The following LRRC4C variants were observed in gnomAD, a reference collection of about 807,000 sequenced individuals.
The protein encoded by LRRC4C is leucine rich repeat containing 4C, also known as leucine-rich repeat-containing protein 4C.
A neutral mutation model predicts 33.6 loss-of-function variants in LRRC4C; 5 were observed. The observed-to-expected ratio is 0.15, with a 90% CI of 0.08 to 0.31. The LOEUF (loss-of-function observed/expected upper bound fraction) is 0.31. LRRC4C is among the 10% of genes least tolerant of loss of function. The pLI, the probability that LRRC4C is intolerant of heterozygous loss-of-function variation, is 1.00. For synonymous variants in LRRC4C, 329 were observed against 302.0 expected (o/e 1.09, Z -0.93); for missense variants, 560 against 796.7 (o/e 0.70, Z 3.58).
intron 1 of LRRC4C, among the ~76,000 whole-genome samples, chr11:41,170,728 T>G (rs1447109356): frequency 6.6e-6 from 1 of 152,214 alleles, no homozygotes; most frequent in Admixed American, 6.5e-5. Context: ...CCAAAAGCAA[T>G]GGCAACAAAA....
intron 1 of LRRC4C, among the ~76,000 whole-genome samples, chr11:41,316,225 C>T (rs1040103458): frequency 1.9e-5 from 2 of 103,278 alleles, no homozygotes; most frequent in Non-Finnish European, 3.8e-5. Flanking sequence ...AGAGTTTTTT[C>T]AGCCAATAAA....
chr11:41,256,608 TC>T (rs1351246182), intron 1 of LRRC4C, among the ~76,000 whole-genome samples: 1 of 151,980 alleles, frequency 6.6e-6, no homozygotes, highest in Non-Finnish European at 1.5e-5. Flanking sequence ...TCCACACAGA[TC>T]AACTCATATG....
At chr11:40,424,427 T>G (rs140625320) in intron 3 of LRRC4C, among the ~76,000 whole-genome samples, 1,664 of 152,306 alleles carry the variant, frequency 0.011, 13 homozygotes, top group Middle Eastern at 0.054. Flanking sequence ...CCACCTCTAT[T>G]TTTAGGGCCT....
intron 1 of LRRC4C, among the ~76,000 whole-genome samples, chr11:40,974,800 C>A (rs1227751166): frequency 6.6e-6 from 1 of 152,118 alleles, no homozygotes; most frequent in East Asian, 1.9e-4. Flanking sequence ...AAAAAGAGAG[C>A]AAAGTGTTTC....
intron 2 of LRRC4C, among the ~76,000 whole-genome samples, chr11:40,860,091 A>AAAAAAAATAAAT (rs1554979022): frequency 1.4e-5 from 2 of 144,134 alleles, no homozygotes; most frequent in African/African-American, 2.6e-5. Context: ...GTCCCCCCAA[A>AAAAAAAATAAAT]AAATAAATAA....
intron 3 of LRRC4C, among the ~76,000 whole-genome samples, chr11:40,460,988 A>G (rs1192048749): frequency 6.6e-6 from 1 of 152,192 alleles, no homozygotes; most frequent in Non-Finnish European, 1.5e-5. Context: ...CCTAAATCTC[A>G]GCCAAATATA....
At chr11:40,176,587 A>G (rs1860511579) in intron 5 of LRRC4C, among the ~76,000 whole-genome samples, 1 of 147,486 alleles carries the variant, frequency 6.8e-6, no homozygotes, top group Non-Finnish European at 1.5e-5. Flanking sequence ...TTGCCCAGGC[A>G]TCAGTGCAGT....
chr11:40,902,047 CCT>C (rs1956233323), intron 2 of LRRC4C, among the ~76,000 whole-genome samples: 1 of 138,784 alleles, frequency 7.2e-6, no homozygotes, highest in Non-Finnish European at 1.5e-5. Flanking sequence ...CACACACACA[CCT>C]CTTTTTGTTG....
intron 1 of LRRC4C, among the ~76,000 whole-genome samples, chr11:41,208,914 G>T (rs1026921531): frequency 2.6e-5 from 4 of 152,130 alleles, no homozygotes; most frequent in Admixed American, 2.0e-4. Flanking sequence ...AGGGTGCAGG[G>T]TCACCATGGA....
At chr11:41,366,373 T>C (rs1251124823) in intron 1 of LRRC4C, among the ~76,000 whole-genome samples, 1 of 152,144 alleles carries the variant, frequency 6.6e-6, no homozygotes, top group Non-Finnish European at 1.5e-5. Context: ...ATACTCTATT[T>C]TGGTAAAGTG....
intron 3 of LRRC4C, among the ~76,000 whole-genome samples, chr11:40,564,407 C>T (rs1957673817): frequency 1.3e-5 from 2 of 152,130 alleles, no homozygotes; most frequent in Admixed American, 6.5e-5. Context: ...GTCCAGAGGA[C>T]ATGTAATTCA....
intron 1 of LRRC4C, among the ~76,000 whole-genome samples, chr11:41,390,203 A>G (rs1471367030): frequency 6.6e-6 from 1 of 151,932 alleles, no homozygotes; most frequent in African/African-American, 2.4e-5. Context: ...TATCTCCTAC[A>G]TATGCAAAGT....
At chr11:41,227,695 T>C (rs1047470272) in intron 1 of LRRC4C, among the ~76,000 whole-genome samples, 1 of 152,054 alleles carries the variant, frequency 6.6e-6, no homozygotes, top group Non-Finnish European at 1.5e-5. Context: ...CTTTTTTCTT[T>C]CCAGATTGAT....
chr11:41,448,130 T>G (rs1459083688), intron 1 of LRRC4C, among the ~76,000 whole-genome samples: 1 of 140,036 alleles, frequency 7.1e-6, no homozygotes, highest in Non-Finnish European at 1.6e-5. Flanking sequence ...CTGTTTTTTT[T>G]TTTTTTTTTT....
At chr11:40,907,196 A>G (rs568984804) in intron 2 of LRRC4C, among the ~76,000 whole-genome samples, 1 of 152,332 alleles carries the variant, frequency 6.6e-6, no homozygotes, top group Non-Finnish European at 1.5e-5. Flanking sequence ...ACAGAGACTG[A>G]GATGTAGAAT....
At chr11:40,251,321 G>A (rs1401757037) in intron 4 of LRRC4C, among the ~76,000 whole-genome samples, 6 of 152,112 alleles carry the variant, frequency 3.9e-5, no homozygotes, top group Non-Finnish European at 5.9e-5. Context: ...TGAATATATT[G>A]TGTGATGTTA....
chr11:40,737,065 C>T (rs1427725316), intron 2 of LRRC4C, among the ~76,000 whole-genome samples: 1 of 152,086 alleles, frequency 6.6e-6, no homozygotes, highest in African/African-American at 2.4e-5. Flanking sequence ...GTACTAAAGT[C>T]TTTGCCCATG....
intron 1 of LRRC4C, among the ~76,000 whole-genome samples, chr11:41,371,165 A>T (rs1188218956): frequency 1.3e-5 from 2 of 152,182 alleles, no homozygotes; most frequent in African/African-American, 4.8e-5. Context: ...CAAGCCCTGA[A>T]ATTGGGGTAG....
At chr11:40,904,610 A>T (rs1295316219) in intron 2 of LRRC4C, among the ~76,000 whole-genome samples, 1 of 152,160 alleles carries the variant, frequency 6.6e-6, no homozygotes, top group Non-Finnish European at 1.5e-5. Flanking sequence ...GGTGAGAATC[A>T]GTAGACACAA....
Sources: allele counts gnomAD v4.1 joint callset (sites outside exome capture counted in the v4.1 genomes callset), GRCh38; gene constraint gnomAD v4.1.1; transcripts MANE v1.5; gene names NCBI Gene and HGNC (gene_info 2026-07-23, HGNC 2026-07-21).